Variants in ADGRG5 observed in about 807,000 individuals in gnomAD.
ADGRG5 encodes the protein G protein-coupled receptor 114.
In ADGRG5, 37 loss-of-function variants were observed where a neutral mutation model predicts 53.2. That is an observed-to-expected ratio of 0.70 (90% CI 0.53 to 0.91). The LOEUF (loss-of-function observed/expected upper bound fraction) is 0.91, where lower values mean the gene tolerates loss of function less well. Among genes scored for constraint, ADGRG5 ranks in the 40% least tolerant of loss-of-function variants. ADGRG5 has a pLI of 0.00. For missense variants in ADGRG5, 614 were observed against 675.8 expected (o/e 0.91, Z 1.01); for synonymous variants, 277 against 290.4 (o/e 0.95, Z 0.47).
chr16:57,562,518 G>A, intron 3 of ADGRG5, 59 bp downstream of exon 3: 1 of 1,159,328 alleles, frequency 8.6e-7, no homozygotes, highest in South Asian at 1.3e-5. Flanking sequence ...GTCAGGGTTA[G>A]TCTAATGTAG....
Position 57,576,531 on chromosome 16 carries a change from C to T in ADGRG5, c.*993C>T, listed in dbSNP as rs1165291697. 1 of 152,036 alleles carries T rather than the reference C, an allele frequency of 6.6e-6. No homozygotes were observed. The highest frequency in any genetic ancestry group is 1.5e-5 in the Non-Finnish European group (1 of 68,038). 9.4% of individuals were successfully genotyped at this position (152,036 alleles called of 1,614,324 possible). A position where few individuals can be genotyped will look rare whatever the true frequency, so the allele number is the denominator to read the frequency against. On this transcript the variant is annotated 3_prime_UTR_variant, in exon 12 of 12. Transcript: ENST00000349457. Reference sequence around the variant, plus strand: ...CTTCATGAGACAGTGCTCATGAAGCCAGTGCGTTTCCCAGAACGAACACTA... The same window carrying T: ...CTTCATGAGACAGTGCTCATGAAGCTAGTGCGTTTCCCAGAACGAACACTA...
intron 1 of ADGRG5, among the ~76,000 whole-genome samples, chr16:57,559,945 G>A (rs11862448): frequency 0.43 from 64,912 of 151,806 alleles, 14,985 homozygotes; most frequent in East Asian, 0.69. Context: ...GCGGCATTTC[G>A]TTTTCTTGTA....
chr16:57,545,726 A>G (rs549685081), intron 1 of ADGRG5, among the ~76,000 whole-genome samples: 1 of 152,230 alleles, frequency 6.6e-6, no homozygotes, highest in African/African-American at 2.4e-5. Flanking sequence ...TTATTTAATT[A>G]GTCCCGTGTT....
chr16:57,544,683 G>C (rs1480062575), intron 1 of ADGRG5, among the ~76,000 whole-genome samples: 1 of 152,156 alleles, frequency 6.6e-6, no homozygotes, highest in Admixed American at 6.5e-5. Context: ...GATCCTTTCT[G>C]TGCTGTCAGG....
At chr16:57,537,793 C>T (rs1247554344), upstream of ADGRG5, among the ~76,000 whole-genome samples, 3 of 152,062 alleles carry the variant, frequency 2.0e-5, no homozygotes, top group Non-Finnish European at 4.4e-5. Flanking sequence ...TTTCACTTGT[C>T]GATTCATTTG....
At position 57,566,610 on chromosome 16, in the gene ADGRG5, C is replaced by A. The variant is rs1490713771; in HGVS notation, c.558C>A (p.Thr186=). 3 of 1,550,446 alleles carry A rather than the reference C, an allele frequency of 1.9e-6. No homozygotes were observed. Among genetic ancestry groups the A allele is most frequent in the Admixed American group, 2.0e-5 (1 of 50,246 alleles). ...GCATCTCCACCCAGGAAGGCTACAC[C>A]CTGACCTGTGTCTTCTGGAAGGAGG... ...FWHNQSLEGY[T]LTCVFWKEGA... is the part of the protein sequence containing the mutation. Residue 186 remains threonine, a synonymous_variant, in exon 7 of 12, where the codon ACC becomes ACA. Coordinates refer to ENST00000349457, the MANE Select transcript of ADGRG5 (RefSeq NM_001304376.3).
chr16:57,570,093 C>T (rs1289840957), intron 9 of ADGRG5, among the ~76,000 whole-genome samples: 1 of 152,210 alleles, frequency 6.6e-6, no homozygotes, highest in Non-Finnish European at 1.5e-5. Context: ...GTACCTTCAT[C>T]ACCGTCCTTG....
chr16:57,550,123 C>A (rs2032712942), intron 1 of ADGRG5, among the ~76,000 whole-genome samples: 1 of 152,184 alleles, frequency 6.6e-6, no homozygotes, highest in East Asian at 1.9e-4. Context: ...ATTACAGGCA[C>A]ATGCTACCAC....
intron 9 of ADGRG5, among the ~76,000 whole-genome samples, 185 bp downstream of exon 9, chr16:57,568,309 A>T (rs2033203178): frequency 6.6e-6 from 1 of 150,968 alleles, no homozygotes; most frequent in Admixed American, 6.6e-5. Flanking sequence ...TTCCACCTCC[A>T]TCATCATCAT....
chr16:57,573,785 G>A (rs1323521939), intron 10 of ADGRG5, among the ~76,000 whole-genome samples: 5 of 152,220 alleles, frequency 3.3e-5, no homozygotes, highest in East Asian at 1.9e-4. Context: ...GCAGTGGTGC[G>A]ATCTCGGCTC....
chr16:57,570,487 C>T lies in ADGRG5; in HGVS notation c.1160C>T (p.Pro387Leu), dbSNP rs1244935326. The T allele has an allele frequency of 1.2e-6, 2 of 1,613,650 alleles. No homozygotes were observed. The highest frequency in any genetic ancestry group is 8.5e-7 in the Non-Finnish European group (1 of 1,179,980). ...KSSVYGPCTI[P>L]VFDSWENGTG... is the part of the protein sequence containing the mutation. ...TCGGTATACGGACCCTGCACAATCC[C>T]CGTCTTCGACAGCTGGGAGAATGGC... Residue 387 changes from proline to leucine, a missense_variant, in exon 10 of 12, where the codon CCC becomes CTC. By Grantham distance (98) the Pro-to-Leu change is moderately conservative (BLOSUM62 -3). Coordinates refer to ENST00000349457, the MANE Select transcript of ADGRG5 (RefSeq NM_001304376.3).
chr16:57,568,501 A>C (rs1200687932), intron 9 of ADGRG5, among the ~76,000 whole-genome samples: 1 of 148,294 alleles, frequency 6.7e-6, no homozygotes, highest in Non-Finnish European at 1.5e-5. Context: ...CTCCACCTTC[A>C]TCACCACCAT....
intron 1 of ADGRG5, among the ~76,000 whole-genome samples, chr16:57,545,179 C>T (rs2032587966): frequency 6.6e-6 from 1 of 152,058 alleles, no homozygotes. Context: ...AGAACCCAGT[C>T]CTCTGTGACT....
upstream of ADGRG5, among the ~76,000 whole-genome samples, chr16:57,542,000 C>T (rs143132334): frequency 1.5e-3 from 234 of 152,380 alleles, 1 homozygote; most frequent in South Asian, 7.7e-3. Flanking sequence ...TCAGGTCCCT[C>T]ATCTGTGAAA....
chr16:57,566,616 CTG>C lies in ADGRG5; in HGVS notation c.568_569del (p.Val190LeufsTer17). ...CCACCCAGGAAGGCTACACCCTGAC[CTG>C]TGTCTTCTGGAAGGAGGGAGCCAGG... is the stretch of plus-strand genomic sequence containing the variant. ...NQSLEGYTLT[C>X]VFWKEGARKQ... On this transcript the variant is annotated frameshift_variant, in exon 7 of 12. Coordinates refer to ENST00000349457, the MANE Select transcript of ADGRG5 (RefSeq NM_001304376.3). LOFTEE classifies it high-confidence loss of function. 1 of 1,564,022 alleles carries C rather than the reference CTG, an allele frequency of 6.4e-7. No homozygotes were observed. Among genetic ancestry groups the C allele is most frequent in the Non-Finnish European group, 8.6e-7 (1 of 1,156,688 alleles).
chr16:57,564,866 AAAGGCTGGGAGGCTGGG>A (rs560517636), intron 5 of ADGRG5, among the ~76,000 whole-genome samples, 151 bp from the exon 6 acceptor site: 18 of 142,538 alleles, frequency 1.3e-4, no homozygotes, highest in Admixed American at 2.0e-4. Context: ...CAGCACATGC[AAAGGCTGGGAGGCTGGG>A]AAGGCTGGGA....
intron 1 of ADGRG5, among the ~76,000 whole-genome samples, chr16:57,557,371 T>C (rs1428966283): frequency 6.6e-6 from 1 of 152,228 alleles, no homozygotes; most frequent in Non-Finnish European, 1.5e-5. Flanking sequence ...GGCTCTTTTC[T>C]CTGGCTGACT....
At chr16:57,552,394 G>T (rs1278679914) in intron 1 of ADGRG5, among the ~76,000 whole-genome samples, 3 of 152,192 alleles carry the variant, frequency 2.0e-5, no homozygotes, top group Non-Finnish European at 2.9e-5. Context: ...CATGCATGAT[G>T]TTAGCTAGTT....
intron 1 of ADGRG5, among the ~76,000 whole-genome samples, chr16:57,559,981 GCTT>G (rs1226865215): frequency 1.3e-5 from 2 of 152,036 alleles, no homozygotes; most frequent in Non-Finnish European, 2.9e-5. Context: ...GAAATTAATT[GCTT>G]CTTTTTATTT....
Sources: allele counts gnomAD v4.1 joint callset (sites outside exome capture counted in the v4.1 genomes callset), GRCh38; gene constraint gnomAD v4.1.1; transcripts MANE v1.5; gene names NCBI Gene and HGNC (gene_info 2026-07-23, HGNC 2026-07-21).